Variants in ZNF567 observed in about 807,000 individuals in gnomAD.
ZNF567 encodes the protein zinc finger protein 567.
ZNF567 carries 36 observed loss-of-function variants against 53.9 expected under a neutral mutation model. The observed-to-expected ratio is 0.67, with a 90% CI of 0.51 to 0.88. The LOEUF is 0.88. Among genes scored for constraint, ZNF567 ranks in the 40% least tolerant of loss-of-function variants. ZNF567 has a pLI of 0.00. For synonymous variants in ZNF567, 224 were observed against 260.4 expected (o/e 0.86, Z 1.35); for missense variants, 619 against 764.7 (o/e 0.81, Z 2.25).
chr19:36,693,012 ATG>A (rs1023108673), intron 2 of ZNF567, among the ~76,000 whole-genome samples: 5 of 152,090 alleles, frequency 3.3e-5, no homozygotes, highest in African/African-American at 1.2e-4. Flanking sequence ...AGTAGGCGGT[ATG>A]TGGTGGTTCA....
intron 3 of ZNF567, among the ~76,000 whole-genome samples, chr19:36,710,674 A>G (rs931214854): frequency 2.0e-5 from 3 of 152,000 alleles, no homozygotes; most frequent in South Asian, 2.1e-4. Flanking sequence ...TTTTCTCTCA[A>G]TCAAGGAATT....
the ZNF567 span, among the ~76,000 whole-genome samples, chr19:36,681,874 T>C: frequency 6.6e-6 from 1 of 152,058 alleles, no homozygotes; most frequent in African/African-American, 2.4e-5. Flanking sequence ...AACTGAAACT[T>C]TGTATATACT....
chr19:36,709,476 T>C (rs1036105192), intron 3 of ZNF567, among the ~76,000 whole-genome samples: 5 of 152,164 alleles, frequency 3.3e-5, no homozygotes, highest in African/African-American at 1.2e-4. Context: ...AAGAATTTCC[T>C]TTAGGCCCCA....
chr19:36,717,273 T>G (rs2040109346), intron 5 of ZNF567, among the ~76,000 whole-genome samples: 3 of 152,160 alleles, frequency 2.0e-5, no homozygotes, highest in Admixed American at 1.3e-4. Context: ...ATAATTATAT[T>G]GCAAATTTTA....
At chr19:36,671,437 T>C in the ZNF567 span, among the ~76,000 whole-genome samples, 2 of 152,206 alleles carry the variant, frequency 1.3e-5, no homozygotes, top group Admixed American at 6.5e-5. Context: ...CTCACTTGGA[T>C]GTGTTATTCT....
rs1242233615 is a variant in ZNF567 at position 36,719,056 on chromosome 19, G to A, written c.332G>A (p.Ser111Asn). 6.2e-7 allele frequency: 1 copy of A among 1,612,984 alleles called. No individual in the cohort carries two copies. Among genetic ancestry groups the A allele is most frequent in the African/African-American group, 1.3e-5 (1 of 74,828 alleles). Reference protein sequence around the residue: ...INHKKLVKEKSKIYEKTFTLG... With the variant: ...INHKKLVKEKNKIYEKTFTLG... The stretch of plus-strand genomic sequence containing the variant: ...CACAAAAAACTGGTGAAGGAGAAGA[G>A]TAAAATATATGAAAAGACATTTACT... Residue 111 changes from serine (S) to asparagine (N), a missense_variant, in exon 6 of 6, where the codon AGT (serine) becomes AAT (asparagine). Ser to Asn is a conservative substitution (Grantham distance 46). Transcript: ENST00000682579.
At chr19:36,692,528 A>G (rs1014641257) in intron 2 of ZNF567, among the ~76,000 whole-genome samples, 2 of 152,000 alleles carry the variant, frequency 1.3e-5, no homozygotes, top group Non-Finnish European at 2.9e-5. Flanking sequence ...ACACGCCCCC[A>G]TGCTGGCTAA....
At chr19:36,726,960 G>GTTTCTTTC (rs1219765312), downstream of ZNF567, 1 of 55,168 alleles carries the variant, frequency 1.8e-5, no homozygotes, top group African/African-American at 8.1e-5. Flanking sequence ...GGTGTTTTGA[G>GTTTCTTTC]TTTCTTTCTT....
intron 2 of ZNF567, among the ~76,000 whole-genome samples, chr19:36,691,974 T>A (rs1488691762): frequency 6.6e-6 from 1 of 152,226 alleles, no homozygotes; most frequent in Non-Finnish European, 1.5e-5. Flanking sequence ...TATTATTGCA[T>A]GTATCATTGC....
upstream of ZNF567, among the ~76,000 whole-genome samples, chr19:36,684,909 G>C (rs1367528801): frequency 6.6e-6 from 1 of 152,118 alleles, no homozygotes; most frequent in East Asian, 1.9e-4. Context: ...TAAGAACCCT[G>C]AAGTTTCCCT....
intron 3 of ZNF567, among the ~76,000 whole-genome samples, chr19:36,699,869 CAG>C (rs2039083706): frequency 1.4e-5 from 2 of 143,662 alleles, no homozygotes; most frequent in African/African-American, 2.6e-5. Flanking sequence ...CGTCTGCAAA[CAG>C]GGACAATTTG....
At chr19:36,695,289 G>C (rs1223555202) in intron 3 of ZNF567, among the ~76,000 whole-genome samples, 1 of 151,848 alleles carries the variant, frequency 6.6e-6, no homozygotes, top group Admixed American at 6.6e-5. Context: ...AGCACTTTGG[G>C]AGGCCGAGGT....
At chr19:36,706,681 G>GTTTTTTTTTTTT (rs1261282909) in intron 3 of ZNF567, among the ~76,000 whole-genome samples, 1 of 85,776 alleles carries the variant, frequency 1.2e-5, no homozygotes. Flanking sequence ...TTTTTTTTTT[G>GTTTTTTTTTTTT]TTTTTTTTTT....
chr19:36,693,731 G>C (rs1341219795), intron 2 of ZNF567, among the ~76,000 whole-genome samples: 1 of 152,014 alleles, frequency 6.6e-6, no homozygotes, highest in African/African-American at 2.4e-5. Flanking sequence ...TAAATATAAA[G>C]CCCAGCTCTA....
the ZNF567 span, among the ~76,000 whole-genome samples, chr19:36,676,055 CTTTTTTTTTTTTTTTT>C: frequency 5.0e-5 from 3 of 60,598 alleles, no homozygotes; most frequent in Non-Finnish European, 9.2e-5. Flanking sequence ...TATTCTACAC[CTTTTTTTTTTTTTTTT>C]TTTTTTTTTT....
the ZNF567 span, among the ~76,000 whole-genome samples, chr19:36,671,959 C>G: frequency 7.2e-4 from 109 of 152,364 alleles, no homozygotes; most frequent in Non-Finnish European, 2.6e-4. Flanking sequence ...CATCGTCCCC[C>G]CTCTTGCTAC....
At chr19:36,715,499 TA>T (rs2040007711) in intron 5 of ZNF567, among the ~76,000 whole-genome samples, 2 of 39,190 alleles carry the variant, frequency 5.1e-5, no homozygotes, top group South Asian at 1.4e-3. Context: ...ATAATAATAA[TA>T]ATAATAATAA....
rs2040283830 is a variant in ZNF567 at position 36,721,003 on chromosome 19, A to G, written c.*335A>G. ...TCTCCATAAGAGAAAATATTTATGA[A>G]CTATATTTCTCATTGCACTCTGTAA... On this transcript the variant is annotated 3_prime_UTR_variant, in exon 6 of 6. Transcript: ENST00000682579. The G allele has an allele frequency of 6.2e-6, 1 of 161,766 alleles. No homozygotes were observed. The highest frequency in any genetic ancestry group is 1.3e-5 in the Non-Finnish European group (1 of 74,570). 10.0% of individuals were successfully genotyped at this position (161,766 alleles called of 1,614,324 possible).
At chr19:36,700,435 CAT>C (rs1476984017) in intron 3 of ZNF567, among the ~76,000 whole-genome samples, 1 of 151,278 alleles carries the variant, frequency 6.6e-6, no homozygotes, top group Non-Finnish European at 1.5e-5. Context: ...ATGCTGGCCT[CAT>C]AAAATGAGTT....
Sources: allele counts gnomAD v4.1 joint callset (sites outside exome capture counted in the v4.1 genomes callset), GRCh38; gene constraint gnomAD v4.1.1; transcripts MANE v1.5; gene names NCBI Gene and HGNC (gene_info 2026-07-23, HGNC 2026-07-21).